DNAAF10: variants seen among roughly 807,000 people sequenced by gnomAD.
The protein encoded by DNAAF10 is WD repeat domain 92.
In DNAAF10, 28 loss-of-function variants were observed where a neutral mutation model predicts 43.7. The ratio of observed to expected loss-of-function variants is 0.64; its 90% CI spans 0.48 to 0.88. DNAAF10 has a LOEUF of 0.88. Among genes scored for constraint, DNAAF10 ranks in the 40% least tolerant of loss-of-function variants. The pLI is 0.00. For missense variants in DNAAF10, 403 were observed against 439.1 expected, an observed-to-expected ratio of 0.92 and a Z score of 0.73; for synonymous variants, 156 against 157.3, an observed-to-expected ratio of 0.99 and a Z score of 0.06.
At chr2:68,132,825 G>C (rs1672952746) in intron 7 of DNAAF10, among the ~76,000 whole-genome samples, 1 of 152,224 alleles carries the variant, frequency 6.6e-6, no homozygotes, top group African/African-American at 2.4e-5. Context: ...TAGGTGTAAA[G>C]TTTACATTGC....
chr2:68,156,426 A>T (rs965128322), intron 1 of DNAAF10, among the ~76,000 whole-genome samples: 21 of 152,162 alleles, frequency 1.4e-4, no homozygotes, highest in African/African-American at 4.6e-4. Context: ...CAGGTAACAA[A>T]ATCAACACTT....
At chr2:68,148,075 G>C (rs17589735) in intron 1 of DNAAF10, among the ~76,000 whole-genome samples, 62,357 of 151,924 alleles carry the variant, frequency 0.41, 13,126 homozygotes, top group South Asian at 0.62. Context: ...TATTAGTATG[G>C]ATCAGCCAAT....
chr2:68,156,367 C>A (rs1572931438), intron 1 of DNAAF10, among the ~76,000 whole-genome samples: 2 of 152,152 alleles, frequency 1.3e-5, no homozygotes, highest in Non-Finnish European at 2.9e-5. Context: ...ACCTACCCTG[C>A]ACTTGTAGTC....
At chr2:68,139,925 G>C (rs1174121853) in intron 4 of DNAAF10, among the ~76,000 whole-genome samples, 1 of 152,112 alleles carries the variant, frequency 6.6e-6, no homozygotes, top group Non-Finnish European at 1.5e-5. Context: ...TTGCTTTCTT[G>C]GCAGTAACTA....
At chr2:68,136,292 G>A (rs115332644) in intron 6 of DNAAF10, among the ~76,000 whole-genome samples, 1,554 of 150,270 alleles carry the variant, frequency 0.01, 14 homozygotes, top group Non-Finnish European at 0.015. Context: ...TATAGATAAT[G>A]AAATATGTGT....
intron 5 of DNAAF10, 140 bp from the exon 6 acceptor site, chr2:68,137,573 A>T: frequency 1.0e-6 from 1 of 983,750 alleles, no homozygotes; most frequent in East Asian, 3.0e-5. Flanking sequence ...CTTTTCCCAT[A>T]AAAATTTTTT....
At chr2:68,135,531 A>T (rs571585634) in intron 6 of DNAAF10, among the ~76,000 whole-genome samples, 11 of 152,264 alleles carry the variant, frequency 7.2e-5, no homozygotes, top group African/African-American at 2.6e-4. Context: ...ACTGGGGGGA[A>T]CTTAGGAGAG....
chr2:68,147,274 GGTTA>G lies in DNAAF10; in HGVS notation c.284+189_284+192del, dbSNP rs755416787. Among the ~76,000 whole-genome samples, 16 of 152,114 alleles carry G rather than the reference GGTTA, an allele frequency of 1.1e-4. No individual in the cohort carries two copies. In the East Asian group the frequency reaches 1.7e-3, roughly 16 times the overall value. On this transcript the variant is annotated intron_variant, in intron 2 of 7. Coordinates refer to ENST00000295121, the MANE Select transcript of DNAAF10 (RefSeq NM_138458.4). Reference sequence around the variant, plus strand: ...TATCCAAAATATCTAAAGAAAAATAGGTTAGTATTTTTTAATGGATTTTGAATAT... The same window carrying G: ...TATCCAAAATATCTAAAGAAAAATAGGTATTTTTTAATGGATTTTGAATAT...
At chr2:68,154,822 T>C (rs1187714448) in intron 1 of DNAAF10, among the ~76,000 whole-genome samples, 4 of 152,076 alleles carry the variant, frequency 2.6e-5, no homozygotes, top group African/African-American at 9.7e-5. Context: ...CAGGATGGAG[T>C]GCAGTGGTGC....
intron 5 of DNAAF10, among the ~76,000 whole-genome samples, 154 bp downstream of exon 5, chr2:68,138,588 T>C (rs1673100640): frequency 6.6e-6 from 1 of 152,220 alleles, no homozygotes; most frequent in Non-Finnish European, 1.5e-5. Context: ...GGATTTTCAT[T>C]AGATTCTCAA....
intron 7 of DNAAF10, among the ~76,000 whole-genome samples, chr2:68,133,408 G>C (rs1242610485): frequency 6.6e-6 from 1 of 151,982 alleles, no homozygotes; most frequent in Non-Finnish European, 1.5e-5. Flanking sequence ...GCTAGTTCTT[G>C]TATTTTTAGT....
chr2:68,138,207 C>G (rs972117696), intron 5 of DNAAF10, among the ~76,000 whole-genome samples: 1 of 151,332 alleles, frequency 6.6e-6, no homozygotes, highest in Admixed American at 6.6e-5. Context: ...AACAAAAAAC[C>G]CATTTTTTTT....
Position 68,157,435 on chromosome 2 carries a change from G to A in DNAAF10, c.9C>T (p.Ala3=). The change falls in exon 1 of 8, where the codon GCC becomes GCT. Residue 3 remains alanine, a synonymous_variant. Transcript: ENST00000295121. The part of the protein sequence containing the change: MS[A]FEKPQIIAHI... ...GGGCGATGATCTGAGGCTTCTCGAA[G>A]GCCGACATGGTGCAGCCAATTTCAG... is the stretch of plus-strand genomic sequence containing the variant. 2.5e-6 allele frequency: 4 copies of A among 1,614,170 alleles called. No homozygotes were observed. Among genetic ancestry groups the A allele is most frequent in the Non-Finnish European group, 1.7e-6 (2 of 1,180,030 alleles).
rs182480127 is a variant in DNAAF10, at chr2:68,137,846, G to A, written c.634-413C>T. Among the ~76,000 whole-genome samples the A allele has an allele frequency of 1.9e-3, 275 of 144,696 alleles. 1 individual carries two copies. Among genetic ancestry groups the A allele is most frequent in the Middle Eastern group, 4.3e-3 (1 of 234 alleles). 94.9% of individuals were successfully genotyped at this position (144,696 alleles called of 152,430 possible). A position where few individuals can be genotyped will look rare whatever the true frequency, so the allele number is the denominator to read the frequency against. On this transcript the variant is annotated intron_variant, in intron 5 of 7. Transcript: ENST00000295121. ...CATGCCACTGCACTCCATCCTGGGCGACAGAGTGAGACTCTGTCTCAAAAA... is the reference window on the plus strand; with the variant it reads ...CATGCCACTGCACTCCATCCTGGGCAACAGAGTGAGACTCTGTCTCAAAAA...
chr2:68,131,257 G>GT lies in DNAAF10; in HGVS notation c.1054dup (p.Thr352AsnfsTer5), dbSNP rs1672925367. The stretch of plus-strand genomic sequence containing the variant: ...TTGAAGTCAAATTTTATTGAGCTTT[G>GT]TAACGATCAGTACTCTCACCGTTTG... On this transcript the variant is annotated frameshift_variant, in exon 8 of 8. Transcript: ENST00000295121. LOFTEE classifies it high-confidence loss of function. 8.1e-6 allele frequency: 13 copies of GT among 1,613,984 alleles called. No individual in the cohort carries two copies. Among genetic ancestry groups the GT allele is most frequent in the Non-Finnish European group, 1.1e-5 (13 of 1,179,978 alleles).
chr2:68,137,451 T>A lies in DNAAF10; in HGVS notation c.634-18A>T. On this transcript the variant is annotated intron_variant, in intron 5 of 7. Transcript: ENST00000295121. ...CTACACACCTGAAAACAGAGAATAC[T>A]TATTATTGGTAGTCTCACCAGTATT... The A allele has an allele frequency of 8.7e-6, 14 of 1,600,754 alleles. No individual in the cohort carries two copies. The highest frequency in any genetic ancestry group is 1.3e-5 in the African/African-American group (1 of 74,422).
chr2:68,141,029 A>G (rs1330766804), intron 4 of DNAAF10, among the ~76,000 whole-genome samples: 6 of 152,136 alleles, frequency 3.9e-5, no homozygotes, highest in Admixed American at 3.9e-4. Flanking sequence ...ACCTCCCACC[A>G]GGCCCCACCT....
At chr2:68,139,822 GA>G (rs1673134801) in intron 4 of DNAAF10, among the ~76,000 whole-genome samples, 1 of 150,646 alleles carries the variant, frequency 6.6e-6, no homozygotes, top group African/African-American at 2.4e-5. Flanking sequence ...AAAAAGAAAA[GA>G]AAATGCTTTC....
In DNAAF10 at chr2:68,134,786, G is replaced by A. The variant is rs780959278; in HGVS notation, c.782C>T (p.Thr261Ile). The change falls in exon 7 of 8, where the codon ACT becomes ATT. Residue 261 changes from threonine (T) to isoleucine (I), a missense_variant. Transcript: ENST00000295121. ...CGGCAGGTGTCGGACCTGCCACACA[G>A]TAGATTTATGAGCCTAAATAGAACA... is the stretch of plus-strand genomic sequence containing the variant. ...ASVSEKAHKS[T>I]VWQVRHLPQN... The A allele has an allele frequency of 3.7e-6, 6 of 1,613,262 alleles. No homozygotes were observed. In the South Asian group the frequency reaches 6.6e-5, roughly 18 times the overall value.
Sources: gnomAD v4.1 joint callset for allele counts (sites outside exome capture counted in the v4.1 genomes callset) on GRCh38, gnomAD v4.1.1 for gene constraint, MANE v1.5 for transcripts, NCBI Gene and HGNC (gene_info 2026-07-23, HGNC 2026-07-21) for gene names.